The following RPH3A variants were observed in gnomAD, a reference collection of about 807,000 sequenced individuals.
RPH3A encodes rabphilin-3A.
RPH3A carries 48 observed loss-of-function variants against 102.2 expected under a neutral mutation model. The ratio of observed to expected loss-of-function variants is 0.47; its 90% CI spans 0.37 to 0.60. The LOEUF (loss-of-function observed/expected upper bound fraction) is 0.60. Among genes scored for constraint, RPH3A ranks in the 20% least tolerant of loss-of-function variants. The pLI, the probability that RPH3A is intolerant of heterozygous loss-of-function variation, is 0.00. For synonymous variants in RPH3A, 310 were observed against 324.3 expected (o/e 0.96, Z 0.47); for missense variants, 781 against 910.1 (o/e 0.86, Z 1.83).
At position 112,869,979 on chromosome 12, in the gene RPH3A, C is replaced by G. The variant is rs760818180; in HGVS notation, c.736C>G (p.Arg246Gly). 2.5e-6 allele frequency: 4 copies of G among 1,614,016 alleles called. No homozygotes were observed. The highest frequency in any genetic ancestry group is 2.5e-6 in the Non-Finnish European group (3 of 1,180,030). ...CGAGGCACGAATGAGCTCATCTAGC[C>G]GAGATTCAGAGAGCTGGGACCACAG... ...ASEARMSSSS[R>G]DSESWDHSGG... The change falls in exon 10 of 22, where the codon CGA becomes GGA. Residue 246 changes from arginine (R) to glycine (G), a missense_variant. Physicochemically the swap from Arg to Gly is moderately radical, Grantham distance 125. Around this residue, in one of 2 missense-constraint regions of RPH3A, gnomAD observed 730 missense variants for 810.0 expected, o/e 0.90. Coordinates refer to ENST00000389385, the MANE Select transcript of RPH3A (RefSeq NM_001143854.2).
At chr12:112,764,867 T>C (rs2040877472) in intron 1 of RPH3A, among the ~76,000 whole-genome samples, 1 of 152,200 alleles carries the variant, frequency 6.6e-6, no homozygotes, top group Non-Finnish European at 1.5e-5. Flanking sequence ...CTGAGCTTTT[T>C]CATCCCCCCA....
At chr12:112,751,034 G>A (rs892634842) in intron 1 of RPH3A, among the ~76,000 whole-genome samples, 3 of 152,180 alleles carry the variant, frequency 2.0e-5, no homozygotes, top group African/African-American at 2.4e-5. Context: ...AAACCTGAAC[G>A]TTGGTCTCAC....
Position 112,875,690 on chromosome 12 carries a change from G to A in RPH3A, c.895G>A (p.Gly299Arg), listed in dbSNP as rs764932933. 6.2e-7 allele frequency: 1 copy of A among 1,613,610 alleles called. No individual in the cohort carries two copies. Among genetic ancestry groups the A allele is most frequent in the Non-Finnish European group, 8.5e-7 (1 of 1,179,824 alleles). The change falls in exon 12 of 22, where the codon GGA (glycine) becomes AGA (arginine). Residue 299 changes from glycine to arginine, a missense_variant. Around this residue, in one of 2 missense-constraint regions of RPH3A, gnomAD observed 730 missense variants for 810.0 expected, o/e 0.90. Transcript: ENST00000389385. ...PQPGQPGTPG[G>R]SRPGPGPAGR... is the part of the protein sequence containing the mutation. ...CTCTCCCTGCTCAGGGACCCCAGGAGGAAGCAGACCGGGTCCTGGGCCAGC... is the reference window on the plus strand; with the variant it reads ...CTCTCCCTGCTCAGGGACCCCAGGAAGAAGCAGACCGGGTCCTGGGCCAGC...
intron 1 of RPH3A, among the ~76,000 whole-genome samples, chr12:112,607,560 A>G (rs980325290): frequency 4.6e-5 from 7 of 152,374 alleles, no homozygotes; most frequent in Admixed American, 3.9e-4. Context: ...TAAATGGCAT[A>G]GCTAAAAGAA....
chr12:112,696,684 C>T (rs2040354376), intron 1 of RPH3A, among the ~76,000 whole-genome samples: 1 of 152,146 alleles, frequency 6.6e-6, no homozygotes, highest in South Asian at 2.1e-4. Context: ...GGAGAATTCC[C>T]CCATCAAAAA....
intron 2 of RPH3A, among the ~76,000 whole-genome samples, chr12:112,822,242 T>C (rs1040895023): frequency 1.3e-5 from 2 of 152,168 alleles, no homozygotes; most frequent in Non-Finnish European, 2.9e-5. Context: ...CTGCAAAGCG[T>C]CTGGTTTAAT....
At chr12:112,747,255 G>T (rs539160917) in intron 1 of RPH3A, among the ~76,000 whole-genome samples, 1 of 152,268 alleles carries the variant, frequency 6.6e-6, no homozygotes, top group Admixed American at 6.5e-5. Context: ...ATGGACTGGA[G>T]CCCTCATGAG....
intron 1 of RPH3A, among the ~76,000 whole-genome samples, chr12:112,627,348 C>T (rs920878444): frequency 1.3e-5 from 2 of 148,486 alleles, no homozygotes; most frequent in South Asian, 2.1e-4. Context: ...TCATTATGTA[C>T]TATATATTAT....
intron 1 of RPH3A, among the ~76,000 whole-genome samples, chr12:112,751,921 T>C (rs910743515): frequency 6.6e-6 from 1 of 152,240 alleles, no homozygotes; most frequent in African/African-American, 2.4e-5. Flanking sequence ...AATATTGTCA[T>C]GCAAAGATGC....
Position 112,734,229 on chromosome 12 carries a change from T to C in RPH3A, c.-139-57914T>C, listed in dbSNP as rs1039908110. ...GTTTAGATACACAAATGCTTACCAT[T>C]GTGTTACAATTGCCTACAGTGTTCA... is the stretch of plus-strand genomic sequence containing the variant. On this transcript the variant is annotated intron_variant, in intron 1 of 21. Coordinates refer to the RPH3A transcript ENST00000543106. Among the ~76,000 whole-genome samples, 11 of 152,218 alleles carry C rather than the reference T, an allele frequency of 7.2e-5. 1 individual carries two copies. Among genetic ancestry groups the C allele is most frequent in the South Asian group, 2.1e-4 (1 of 4,828 alleles).
intron 1 of RPH3A, among the ~76,000 whole-genome samples, chr12:112,597,753 C>T (rs1016393049): frequency 6.6e-6 from 1 of 152,124 alleles, no homozygotes; most frequent in East Asian, 1.9e-4. Context: ...TCTGGTTGCC[C>T]TCTGAAGAGA....
intron 5 of RPH3A, among the ~76,000 whole-genome samples, chr12:112,854,453 T>C (rs1313775094): frequency 6.6e-6 from 1 of 152,252 alleles, no homozygotes; most frequent in Non-Finnish European, 1.5e-5. Context: ...AGGAATCCTA[T>C]GCAATAGCAC....
At chr12:112,851,934 C>G (rs2042330517) in intron 5 of RPH3A, among the ~76,000 whole-genome samples, 1 of 152,210 alleles carries the variant, frequency 6.6e-6, no homozygotes, top group South Asian at 2.1e-4. Flanking sequence ...TTTCGGTCAT[C>G]TATTGCAATA....
At position 112,793,119 on chromosome 12, in the gene RPH3A, T is replaced by C. The variant is rs146522760; in HGVS notation, c.-19+856T>C. Among the ~76,000 whole-genome samples, 481 of 152,254 alleles carry C rather than the reference T, an allele frequency of 3.2e-3. 4 individuals are homozygous for C. The highest frequency in any genetic ancestry group is 0.011 in the African/African-American group (467 of 41,520). On this transcript the variant is annotated intron_variant, in intron 2 of 21. Coordinates refer to ENST00000389385, the MANE Select transcript of RPH3A (RefSeq NM_001143854.2). ...AGACCGTCCCCCTGCACTAGTTTCTTTTTCCAAGATCCTGATGGGGAAAGG... is the reference window on the plus strand; with the variant it reads ...AGACCGTCCCCCTGCACTAGTTTCTCTTTCCAAGATCCTGATGGGGAAAGG...
chr12:112,860,518 T>G (rs1377525201), intron 5 of RPH3A, among the ~76,000 whole-genome samples: 1 of 152,208 alleles, frequency 6.6e-6, no homozygotes, highest in African/African-American at 2.4e-5. Context: ...AGTGTGGGTT[T>G]GCAAGTGACG....
At chr12:112,704,604 A>T (rs1197155912) in intron 1 of RPH3A, among the ~76,000 whole-genome samples, 1 of 152,162 alleles carries the variant, frequency 6.6e-6, no homozygotes, top group African/African-American at 2.4e-5. Context: ...GGCTACCATC[A>T]TCTCTTTCTT....
At chr12:112,585,846 A>G (rs1435764203) in intron 1 of RPH3A, among the ~76,000 whole-genome samples, 1 of 152,206 alleles carries the variant, frequency 6.6e-6, no homozygotes, top group Non-Finnish European at 1.5e-5. Context: ...TTCAATAAGG[A>G]CCAAGAGCCC....
intron 8 of RPH3A, 137 bp from the exon 9 acceptor site, chr12:112,869,622 G>T (rs892475069): frequency 1.2e-6 from 1 of 824,330 alleles, no homozygotes; most frequent in South Asian, 1.8e-5. Flanking sequence ...CAAAGAGGAG[G>T]TTGGGAGAAA....
intron 1 of RPH3A, among the ~76,000 whole-genome samples, chr12:112,684,843 G>C (rs537558378): frequency 3.3e-4 from 50 of 152,272 alleles, no homozygotes; most frequent in Admixed American, 1.7e-3. Context: ...TCTGTAGGCT[G>C]GAAAATCCAA....
Sources: allele counts gnomAD v4.1 joint callset (sites outside exome capture counted in the v4.1 genomes callset), GRCh38; gene constraint gnomAD v4.1.1; regional missense constraint gnomAD v4.1.1; transcripts MANE v1.5; gene names NCBI Gene and HGNC (gene_info 2026-07-23, HGNC 2026-07-21).